EXPH5: variants seen among roughly 807,000 people sequenced by gnomAD.
The protein encoded by EXPH5 is exophilin 5, also known as exophilin-5.
A neutral mutation model predicts 41.1 loss-of-function variants in EXPH5; 42 were observed. The ratio of observed to expected loss-of-function variants is 1.02; its 90% CI spans 0.80 to 1.32. EXPH5 has a LOEUF of 1.32. EXPH5 is among the 40% of genes most tolerant of loss of function. The probability of loss-of-function intolerance (pLI) is 0.00; values close to 1 mark genes in which losing one functional copy is unlikely to be tolerated. For synonymous variants in EXPH5, 798 were observed against 833.5 expected, an observed-to-expected ratio of 0.96 and a Z score of 0.73; for missense variants, 2,298 against 2,314.5, an observed-to-expected ratio of 0.99 and a Z score of 0.15.
Position 108,513,274 on chromosome 11 carries a change from G to A in EXPH5, c.2233C>T (p.Pro745Ser), listed in dbSNP as rs750687775. The A allele has an allele frequency of 3.7e-6, 6 of 1,612,048 alleles. No individual in the cohort carries two copies. The South Asian group carries it at 6.6e-5, about 18-fold the overall frequency. ...ISNSLPDFQN[P>S]LSQDSAKSNG... ...CTCTTGGCTGAGTCCTGGGATAAGG[G>A]ATTTTGAAAATCAGGTAAAGAGTTT... Residue 745 changes from proline (P) to serine (S), a missense_variant, in exon 6 of 6, where the codon CCC becomes TCC. Transcript: ENST00000265843.
At chr11:108,533,303 G>A (rs113432624) in intron 3 of EXPH5, among the ~76,000 whole-genome samples, 3,152 of 151,626 alleles carry the variant, frequency 0.021, 129 homozygotes, top group African/African-American at 0.072. Flanking sequence ...TCCCGGGTTC[G>A]AGTGATTCTC....
At chr11:108,539,832 TTTGGA>T (rs1357336475) in intron 2 of EXPH5, among the ~76,000 whole-genome samples, 8 of 152,182 alleles carry the variant, frequency 5.3e-5, no homozygotes, top group African/African-American at 1.9e-4. Flanking sequence ...ATTTGGGATT[TTTGGA>T]TTTGGGATGC....
At chr11:108,578,057 T>A (rs1177292161) in intron 1 of EXPH5, among the ~76,000 whole-genome samples, 1 of 152,236 alleles carries the variant, frequency 6.6e-6, no homozygotes, top group Non-Finnish European at 1.5e-5. Context: ...ATCACATTTG[T>A]CAATTTTTGC....
chr11:108,579,960 A>G (rs142478288), intron 1 of EXPH5, among the ~76,000 whole-genome samples: 101 of 152,286 alleles, frequency 6.6e-4, no homozygotes, highest in African/African-American at 2.3e-3. Flanking sequence ...AGGAGAAAAT[A>G]TAGAGGAAAT....
intron 1 of EXPH5, among the ~76,000 whole-genome samples, chr11:108,563,206 T>C (rs960401067): frequency 2.0e-5 from 3 of 152,174 alleles, no homozygotes; most frequent in African/African-American, 7.2e-5. Flanking sequence ...AAAGGTAGAC[T>C]GGTATCTGCC....
chr11:108,509,317 G>A lies in EXPH5; in HGVS notation c.*220C>T. The A allele has an allele frequency of 2.6e-6, 1 of 390,982 alleles. No homozygotes were observed. The highest frequency in any genetic ancestry group is 4.1e-5 in the Admixed American group (1 of 24,374). 24.2% of individuals were successfully genotyped at this position (390,982 alleles called of 1,614,324 possible). On this transcript the variant is annotated 3_prime_UTR_variant, in exon 6 of 6. Coordinates refer to ENST00000265843, the MANE Select transcript of EXPH5 (RefSeq NM_015065.3). ...AAGGCAGGCTAAGAACATTTACAGA[G>A]ATAGAAAATAGCAGAGACTCTCTCA...
chr11:108,547,380 G>A (rs2093943375), intron 1 of EXPH5, among the ~76,000 whole-genome samples: 1 of 151,898 alleles, frequency 6.6e-6, no homozygotes. Flanking sequence ...TTTTTGTAGA[G>A]ATGGAGATCT....
chr11:108,555,963 T>G (rs1421024573), intron 1 of EXPH5, among the ~76,000 whole-genome samples: 1 of 152,186 alleles, frequency 6.6e-6, no homozygotes, highest in Non-Finnish European at 1.5e-5. Flanking sequence ...TCTGTCTCCC[T>G]GCTTCACTCT....
chr11:108,561,927 A>C (rs1045194997), intron 1 of EXPH5, among the ~76,000 whole-genome samples: 3 of 152,170 alleles, frequency 2.0e-5, no homozygotes, highest in African/African-American at 7.2e-5. Context: ...GAGAAGCTGG[A>C]CCACAAGCCT....
intron 1 of EXPH5, among the ~76,000 whole-genome samples, chr11:108,565,187 T>C (rs1050378480): frequency 4.6e-5 from 7 of 152,182 alleles, no homozygotes; most frequent in Admixed American, 1.3e-4. Context: ...ATTACAAGCA[T>C]GAGCCACCAT....
At chr11:108,595,473 G>A (rs2094137535), upstream of EXPH5, among the ~76,000 whole-genome samples, 1 of 152,202 alleles carries the variant, frequency 6.6e-6, no homozygotes, top group Non-Finnish European at 1.5e-5. Flanking sequence ...CAGAAGTACA[G>A]TCTAGGAATC....
chr11:108,588,950 G>C (rs1453130375), intron 1 of EXPH5, among the ~76,000 whole-genome samples: 1 of 152,144 alleles, frequency 6.6e-6, no homozygotes, highest in African/African-American at 2.4e-5. Context: ...TAAATTGGAT[G>C]CCATTGGAAA....
chr11:108,600,585 A>G, the EXPH5 span, among the ~76,000 whole-genome samples: 3 of 152,176 alleles, frequency 2.0e-5, no homozygotes, highest in Non-Finnish European at 4.4e-5. Flanking sequence ...ATCAGGACCT[A>G]CTAGTGTCTG....
intron 1 of EXPH5, among the ~76,000 whole-genome samples, chr11:108,568,509 T>TC (rs2136095092): frequency 6.6e-6 from 1 of 151,850 alleles, no homozygotes; most frequent in Admixed American, 6.6e-5. Flanking sequence ...TGTCCACACC[T>TC]CCCCCCAACC....
intron 3 of EXPH5, among the ~76,000 whole-genome samples, chr11:108,528,893 GGT>G (rs2093818184): frequency 6.6e-6 from 1 of 151,214 alleles, no homozygotes; most frequent in Non-Finnish European, 1.5e-5. Context: ...AGTAGAGATG[GGT>G]TTTCATCATG....
At chr11:108,576,599 A>G (rs151106570) in intron 1 of EXPH5, among the ~76,000 whole-genome samples, 2 of 152,256 alleles carry the variant, frequency 1.3e-5, no homozygotes, top group African/African-American at 4.8e-5. Flanking sequence ...TTTGCTTCTA[A>G]TTTTTATGGA....
intron 5 of EXPH5, among the ~76,000 whole-genome samples, chr11:108,517,386 C>T (rs1279609039): frequency 3.9e-5 from 6 of 152,186 alleles, no homozygotes; most frequent in East Asian, 1.9e-4. Context: ...AAGGCCCCTA[C>T]GTTGACTGTC....
chr11:108,566,057 G>T lies in EXPH5; in HGVS notation c.120-24245C>A, dbSNP rs1808691326. ...GACACTAGGAAATTCAGGATCTATT[G>T]GTGGAAAAAGATATGTACAAAGTAG... is the stretch of plus-strand genomic sequence containing the variant. On this transcript the variant is annotated intron_variant, in intron 1 of 5. Coordinates refer to ENST00000265843, the MANE Select transcript of EXPH5 (RefSeq NM_015065.3). 2.6e-5 allele frequency among the ~76,000 whole-genome samples: 4 copies of T among 152,254 alleles called. No homozygotes were observed. The South Asian group carries it at 6.2e-4, about 24-fold the overall frequency.
rs575517296 is a variant in EXPH5 at position 108,558,329 on chromosome 11, A to G, written c.120-16517T>C. 2.7e-3 allele frequency among the ~76,000 whole-genome samples: 418 copies of G among 152,338 alleles called. 2 individuals carry two copies. The highest frequency in any genetic ancestry group is 9.7e-3 in the African/African-American group (405 of 41,578). On this transcript the variant is annotated intron_variant, in intron 1 of 5. Transcript: ENST00000265843. ...AGCCTTGAACCTCCAAGCTCAAGCTATCCTCTGCCTTAGCCTCCCAAGTAG... is the reference window on the plus strand; with the variant it reads ...AGCCTTGAACCTCCAAGCTCAAGCTGTCCTCTGCCTTAGCCTCCCAAGTAG...
Sources: gnomAD v4.1 joint callset for allele counts (sites outside exome capture counted in the v4.1 genomes callset) on GRCh38, gnomAD v4.1.1 for gene constraint, MANE v1.5 for transcripts, NCBI Gene and HGNC (gene_info 2026-07-23, HGNC 2026-07-21) for gene names.